Variants in MGAT4C observed in about 807,000 individuals in gnomAD.
MGAT4C encodes the protein MGAT4 family member C.
In MGAT4C, 19 loss-of-function variants were observed where a neutral mutation model predicts 40.1. The observed-to-expected ratio is 0.47, with a 90% CI of 0.33 to 0.70. The LOEUF (loss-of-function observed/expected upper bound fraction) is 0.70, where lower values mean the gene tolerates loss of function less well. MGAT4C is among the 30% of genes least tolerant of loss of function. The pLI is 0.02. For missense variants in MGAT4C, 491 were observed against 563.2 expected (o/e 0.87, Z 1.30); for synonymous variants, 181 against 187.1 (o/e 0.97, Z 0.27).
At chr12:86,718,078 T>C (rs1291725215) in intron 2 of MGAT4C, among the ~76,000 whole-genome samples, 2 of 152,154 alleles carry the variant, frequency 1.3e-5, no homozygotes, top group African/African-American at 4.8e-5. Context: ...TCTCTATTGA[T>C]ACAAACTAAT....
At chr12:86,040,599 G>A (rs1891715192) in intron 2 of MGAT4C, among the ~76,000 whole-genome samples, 1 of 152,030 alleles carries the variant, frequency 6.6e-6, no homozygotes, top group Non-Finnish European at 1.5e-5. Flanking sequence ...AAGCTTGAGT[G>A]TCCCAGGTAG....
chr12:86,015,504 T>G (rs138389107), intron 2 of MGAT4C, among the ~76,000 whole-genome samples: 28 of 152,272 alleles, frequency 1.8e-4, no homozygotes, highest in Non-Finnish European at 3.5e-4. Flanking sequence ...CACTGAAGTT[T>G]ATACAGATTA....
At chr12:86,431,518 G>T (rs1957039133) in intron 3 of MGAT4C, among the ~76,000 whole-genome samples, 2 of 152,106 alleles carry the variant, frequency 1.3e-5, no homozygotes, top group Admixed American at 1.3e-4. Flanking sequence ...TTACAACGGT[G>T]TTATTTTCCA....
chr12:86,715,089 C>T (rs1256960919), intron 2 of MGAT4C, among the ~76,000 whole-genome samples: 1 of 151,926 alleles, frequency 6.6e-6, no homozygotes, highest in African/African-American at 2.4e-5. Context: ...ATATATAATT[C>T]CTAAATAGCC....
chr12:86,774,335 C>CTT (rs1565981608), intron 1 of MGAT4C, among the ~76,000 whole-genome samples: 3 of 106,240 alleles, frequency 2.8e-5, no homozygotes, highest in Non-Finnish European at 3.9e-5. Context: ...TTCTTTCTTT[C>CTT]TTTCTGTCTC....
intron 1 of MGAT4C, among the ~76,000 whole-genome samples, chr12:86,768,343 A>G (rs187432214): frequency 4.6e-4 from 70 of 152,290 alleles, no homozygotes; most frequent in African/African-American, 1.6e-3. Context: ...GAGAACAACA[A>G]ACCACTGCTC....
At chr12:86,062,249 C>G (rs889507181) in intron 1 of MGAT4C, among the ~76,000 whole-genome samples, 5 of 152,136 alleles carry the variant, frequency 3.3e-5, no homozygotes, top group Non-Finnish European at 7.4e-5. Context: ...TGGAATGGCC[C>G]TCCAGCAAAC....
intron 2 of MGAT4C, among the ~76,000 whole-genome samples, chr12:86,695,959 C>T (rs1950249765): frequency 6.6e-6 from 1 of 152,062 alleles, no homozygotes; most frequent in Admixed American, 6.6e-5. Flanking sequence ...TGCTTGTAAT[C>T]TCAGCACTTT....
At chr12:86,660,030 G>A (rs1963943638) in intron 2 of MGAT4C, among the ~76,000 whole-genome samples, 1 of 150,702 alleles carries the variant, frequency 6.6e-6, no homozygotes, top group South Asian at 2.1e-4. Flanking sequence ...TACACAGCTT[G>A]AAGTCATGAT....
chr12:86,421,474 T>TAA (rs1219280554), intron 3 of MGAT4C, among the ~76,000 whole-genome samples: 2 of 152,164 alleles, frequency 1.3e-5, no homozygotes, highest in African/African-American at 4.8e-5. Flanking sequence ...CTATGCTTGT[T>TAA]AAAAGACCTT....
At chr12:86,263,939 C>T (rs1952721868) in intron 4 of MGAT4C, among the ~76,000 whole-genome samples, 1 of 152,102 alleles carries the variant, frequency 6.6e-6, no homozygotes, top group African/African-American at 2.4e-5. Flanking sequence ...AGCATTTTTT[C>T]ATATACCTAT....
At chr12:86,611,456 T>TGATAGATAGATAGATA (rs5799787) in intron 2 of MGAT4C, among the ~76,000 whole-genome samples, 3,836 of 143,602 alleles carry the variant, frequency 0.027, 62 homozygotes, top group Middle Eastern at 0.059. Flanking sequence ...GATAGATAGA[T>TGATAGATAGATAGATA]GATAGATAGA....
intron 3 of MGAT4C, among the ~76,000 whole-genome samples, chr12:86,403,816 G>T (rs2136238595): frequency 6.6e-6 from 1 of 152,260 alleles, no homozygotes; most frequent in South Asian, 2.1e-4. Context: ...ACACTTTTAT[G>T]ATTGGTTGAT....
intron 1 of MGAT4C, among the ~76,000 whole-genome samples, chr12:86,074,631 G>A (rs757947764): frequency 8.6e-5 from 13 of 151,986 alleles, no homozygotes; most frequent in South Asian, 2.1e-4. Context: ...TTTTCATGCT[G>A]TTGATAAAGA....
chr12:86,775,491 A>G (rs1242264898), intron 1 of MGAT4C, among the ~76,000 whole-genome samples: 2 of 151,380 alleles, frequency 1.3e-5, no homozygotes, highest in Non-Finnish European at 1.5e-5. Flanking sequence ...ACAAACACAG[A>G]TGCACAAAGG....
At chr12:86,449,310 AAAG>A (rs1053546075) in intron 2 of MGAT4C, among the ~76,000 whole-genome samples, 13 of 152,178 alleles carry the variant, frequency 8.5e-5, no homozygotes, top group African/African-American at 3.1e-4. Flanking sequence ...TATAGTGTTT[AAAG>A]AAGTTTTATT....
rs899583952 is a variant in MGAT4C at position 85,960,552 on chromosome 12, C to G, written c.*18737G>C. 11 of 152,086 alleles carry G rather than the reference C, an allele frequency of 7.2e-5. No homozygotes were observed. Among genetic ancestry groups the G allele is most frequent in the Middle Eastern group, 3.4e-3 (1 of 294 alleles). 9.4% of individuals were successfully genotyped at this position (152,086 alleles called of 1,614,324 possible). A position where few individuals can be genotyped will look rare whatever the true frequency, so the allele number is the denominator to read the frequency against. ...TCATTCTTTTTTTCTCCCCTTACTCCTTTGATTTTCAGACTAATTTGGATC... is the reference window on the plus strand; with the variant it reads ...TCATTCTTTTTTTCTCCCCTTACTCGTTTGATTTTCAGACTAATTTGGATC... On this transcript the variant is annotated 3_prime_UTR_variant, in exon 5 of 5. Transcript: ENST00000611864.
intron 3 of MGAT4C, among the ~76,000 whole-genome samples, chr12:86,354,376 G>A (rs540453930): frequency 6.6e-6 from 1 of 152,112 alleles, no homozygotes; most frequent in Non-Finnish European, 1.5e-5. Flanking sequence ...ACTAGGCATA[G>A]CTCAACTACT....
chr12:86,422,007 A>G (rs1170893670), intron 3 of MGAT4C, among the ~76,000 whole-genome samples: 1 of 152,222 alleles, frequency 6.6e-6, no homozygotes, highest in African/African-American at 2.4e-5. Flanking sequence ...AAACTAGGTT[A>G]CTTACTAGTG....
Sources: allele counts gnomAD v4.1 joint callset (sites outside exome capture counted in the v4.1 genomes callset), GRCh38; gene constraint gnomAD v4.1.1; transcripts MANE v1.5; gene names NCBI Gene and HGNC (gene_info 2026-07-23, HGNC 2026-07-21).